Variants in HLCS observed in about 807,000 individuals in gnomAD.
HLCS encodes holocarboxylase synthetase, also known as biotin--protein ligase.
In HLCS, 53 loss-of-function variants were observed where a neutral mutation model predicts 75.0. The ratio of observed to expected loss-of-function variants is 0.71; its 90% CI spans 0.57 to 0.89. The LOEUF is 0.89. Ranked by LOEUF, HLCS falls within the 40% of genes least tolerant of loss-of-function variation. The pLI is 0.00. For missense variants in HLCS, 966 were observed against 1,074.0 expected (o/e 0.90, Z 1.41); for synonymous variants, 431 against 428.6 (o/e 1.01, Z -0.07).
At chr21:36,920,059 C>T (rs747093108) in intron 5 of HLCS, among the ~76,000 whole-genome samples, 10 of 152,086 alleles carry the variant, frequency 6.6e-5, no homozygotes, top group Non-Finnish European at 1.0e-4. Context: ...GCACCAGGCA[C>T]GGTAGCTCAT....
chr21:36,852,074 G>A lies in HLCS; in HGVS notation c.1892+44786C>T, dbSNP rs568693044. 8 of 152,280 alleles carry A rather than the reference G, an allele frequency of 5.3e-5. No individual in the cohort carries two copies. The South Asian group carries it at 1.2e-3, about 24-fold the overall frequency. The allele number at this position is 152,280 out of a possible 1,614,324, so 9.4% of individuals were successfully genotyped here. A position where few individuals can be genotyped will look rare whatever the true frequency, so the allele number is the denominator to read the frequency against. ...TAATTTAAAGAGATTTTTTTAAGAC[G>A]ACAGATTATAAGTCAAAGTGCCACC... On this transcript the variant is annotated intron_variant, in intron 6 of 10. Transcript: ENST00000674895.
intron 1 of HLCS, among the ~76,000 whole-genome samples, chr21:36,984,284 C>T (rs1243095135): frequency 6.6e-6 from 1 of 152,056 alleles, no homozygotes; most frequent in African/African-American, 2.4e-5. Context: ...ATTGTTTTTT[C>T]CTATTACTTA....
intron 1 of HLCS, among the ~76,000 whole-genome samples, chr21:36,983,253 C>T (rs551854259): frequency 4.2e-4 from 64 of 151,980 alleles, no homozygotes; most frequent in Non-Finnish European, 3.4e-4. Context: ...CTCTGTCACC[C>T]AAGCTGGAGT....
chr21:36,832,352 A>G (rs1306440436), intron 6 of HLCS, among the ~76,000 whole-genome samples: 2 of 152,226 alleles, frequency 1.3e-5, no homozygotes, highest in African/African-American at 4.8e-5. Flanking sequence ...CACAGCACAG[A>G]GAATCTCGAT....
chr21:36,832,117 C>G (rs1195895662), intron 6 of HLCS, among the ~76,000 whole-genome samples: 1 of 152,146 alleles, frequency 6.6e-6, no homozygotes, highest in Non-Finnish European at 1.5e-5. Flanking sequence ...AAGGCCTGGT[C>G]CTTTAAGGCC....
At chr21:36,946,910 G>C (rs11911653) in intron 2 of HLCS, among the ~76,000 whole-genome samples, 1 of 152,176 alleles carries the variant, frequency 6.6e-6, no homozygotes, top group South Asian at 2.1e-4. Context: ...TCAGGACAGA[G>C]AGTTCGTTGA....
At chr21:36,792,027 C>A (rs1056058663) in intron 6 of HLCS, among the ~76,000 whole-genome samples, 3 of 152,100 alleles carry the variant, frequency 2.0e-5, no homozygotes, top group Non-Finnish European at 4.4e-5. Flanking sequence ...GCCAGCCACA[C>A]AGACAGGAAC....
intron 6 of HLCS, among the ~76,000 whole-genome samples, chr21:36,815,840 TTC>T (rs2061649022): frequency 6.6e-6 from 1 of 152,154 alleles, no homozygotes; most frequent in Non-Finnish European, 1.5e-5. Context: ...TTTTTACCGG[TTC>T]CTGGATACCT....
intron 5 of HLCS, among the ~76,000 whole-genome samples, chr21:36,905,248 T>C (rs897046361): frequency 1.3e-5 from 2 of 152,200 alleles, no homozygotes; most frequent in African/African-American, 4.8e-5. Flanking sequence ...ATTTACTGTA[T>C]AAATGCACAT....
Position 36,937,070 on chromosome 21 carries a change from G to C in HLCS, c.816C>G (p.Ala272=), listed in dbSNP as rs376665169. The C allele has an allele frequency of 6.2e-7, 1 of 1,614,080 alleles. No homozygotes were observed. Among genetic ancestry groups the C allele is most frequent in the East Asian group, 2.2e-5 (1 of 44,876 alleles). The change falls in exon 4 of 11, where the codon GCC becomes GCG. Residue 272 remains alanine, a synonymous_variant. Coordinates refer to ENST00000674895, the MANE Select transcript of HLCS (RefSeq NM_001352514.2). The stretch of plus-strand genomic sequence containing the variant: ...CGTAGGGAAGGTCTGGAATGTTCTC[G>C]GCAGACGCAAACTTGACTGACTCAA... The part of the protein sequence containing the change: ...STIESVKFAS[A]ENIPDLPYDY...
At chr21:36,777,924 T>C (rs1393011171) in intron 6 of HLCS, among the ~76,000 whole-genome samples, 2 of 152,224 alleles carry the variant, frequency 1.3e-5, no homozygotes, top group African/African-American at 2.4e-5. Flanking sequence ...CTATTAGTTT[T>C]AGTATCCATG....
At chr21:36,986,078 T>C (rs879777155) in intron 1 of HLCS, among the ~76,000 whole-genome samples, 12 of 152,168 alleles carry the variant, frequency 7.9e-5, no homozygotes, top group Admixed American at 4.6e-4. Context: ...TGCAACAGTG[T>C]TGAGAGGTGG....
At chr21:36,942,282 G>C (rs2067179163) in intron 2 of HLCS, among the ~76,000 whole-genome samples, 1 of 151,676 alleles carries the variant, frequency 6.6e-6, no homozygotes, top group Non-Finnish European at 1.5e-5. Context: ...AGAAAAAGGA[G>C]AAACTGGCCA....
chr21:36,912,874 CCTGAGTATCA>C (rs2065780085), intron 5 of HLCS, among the ~76,000 whole-genome samples: 2 of 152,142 alleles, frequency 1.3e-5, no homozygotes, highest in Admixed American at 6.5e-5. Flanking sequence ...CCTTGCTGTC[CCTGAGTATCA>C]CTAAGAGAGG....
intron 6 of HLCS, among the ~76,000 whole-genome samples, chr21:36,808,858 C>A (rs1000196146): frequency 6.6e-6 from 1 of 152,166 alleles, no homozygotes; most frequent in East Asian, 1.9e-4. Context: ...ATTCTTTTTT[C>A]TTTTATCGAA....
chr21:36,900,179 G>C (rs1386498379), intron 5 of HLCS, among the ~76,000 whole-genome samples: 1 of 152,086 alleles, frequency 6.6e-6, no homozygotes, highest in African/African-American at 2.4e-5. Context: ...CAGAATGTTA[G>C]AGAGTAACAC....
chr21:36,912,532 AT>A (rs927373072), intron 5 of HLCS, among the ~76,000 whole-genome samples: 2 of 152,226 alleles, frequency 1.3e-5, no homozygotes, highest in Non-Finnish European at 2.9e-5. Context: ...CAGAGTTTCT[AT>A]TTAGGACGCT....
chr21:36,811,193 T>C (rs2061499650), intron 6 of HLCS, among the ~76,000 whole-genome samples: 1 of 152,244 alleles, frequency 6.6e-6, no homozygotes, highest in Non-Finnish European at 1.5e-5. Flanking sequence ...CTCTCATTTA[T>C]TGGACTGATA....
chr21:36,835,162 G>A (rs973232281), intron 6 of HLCS, among the ~76,000 whole-genome samples: 4 of 152,186 alleles, frequency 2.6e-5, no homozygotes, highest in African/African-American at 9.6e-5. Flanking sequence ...GTAAATGGGG[G>A]ATTCCAAGAC....
Sources: allele counts gnomAD v4.1 joint callset (sites outside exome capture counted in the v4.1 genomes callset), GRCh38; gene constraint gnomAD v4.1.1; transcripts MANE v1.5; gene names NCBI Gene and HGNC (gene_info 2026-07-23, HGNC 2026-07-21).